Variants in ZP3 observed in about 807,000 individuals in gnomAD.
The protein encoded by ZP3 is zona pellucida sperm-binding protein 3.
A neutral mutation model predicts 35.6 loss-of-function variants in ZP3; 21 were observed. The ratio of observed to expected loss-of-function variants is 0.59; its 90% CI spans 0.42 to 0.85. ZP3 has a LOEUF of 0.85. Ranked by LOEUF, ZP3 falls within the 40% of genes least tolerant of loss-of-function variation. The pLI, the probability that ZP3 is intolerant of heterozygous loss-of-function variation, is 0.00. For synonymous variants in ZP3, 207 were observed against 214.5 expected (o/e 0.96, Z 0.31); for missense variants, 437 against 536.5 (o/e 0.81, Z 1.83).
chr7:76,430,468 G>A (rs188435164), intron 2 of ZP3, among the ~76,000 whole-genome samples: 1 of 152,244 alleles, frequency 6.6e-6, no homozygotes, highest in East Asian at 1.9e-4. Context: ...AGGTATGGTG[G>A]CTCACGCCTG....
chr7:76,426,924 G>A lies in ZP3; in HGVS notation c.312+1648G>A, dbSNP rs1327021060. ...CACACACACAATAGGGTGTGGTGGC[G>A]CCTGCCTTTAGTCTCAGCTACTTGG... On this transcript the variant is annotated intron_variant, in intron 1 of 7. Transcript: ENST00000394857. 2.2e-4 allele frequency among the ~76,000 whole-genome samples: 19 copies of A among 84,714 alleles called. 1 individual carries two copies. The highest frequency in any genetic ancestry group is 7.4e-4 in the African/African-American group (14 of 18,868). 55.6% of individuals were successfully genotyped at this position (84,714 alleles called of 152,430 possible). A position where few individuals can be genotyped will look rare whatever the true frequency, so the allele number is the denominator to read the frequency against.
upstream of ZP3, among the ~76,000 whole-genome samples, chr7:76,422,171 A>C (rs1805518113): frequency 6.6e-6 from 1 of 151,888 alleles, no homozygotes; most frequent in Non-Finnish European, 1.5e-5. Context: ...TGCTGGGATT[A>C]CAGACATGAG....
intron 1 of ZP3, among the ~76,000 whole-genome samples, chr7:76,426,704 TTTG>T (rs1386306485): frequency 5.9e-5 from 9 of 152,188 alleles, no homozygotes; most frequent in East Asian, 3.9e-4. Flanking sequence ...GTGGTATTTT[TTTG>T]TTGTTGTTTT....
intron 5 of ZP3, among the ~76,000 whole-genome samples, chr7:76,436,492 C>T (rs1395406095): frequency 6.6e-6 from 1 of 152,260 alleles, no homozygotes; most frequent in Non-Finnish European, 1.5e-5. Flanking sequence ...GTCAGGGTGG[C>T]ATTAAGGGAC....
At chr7:76,409,749 A>T (rs976100479) in intron 1 of ZP3, 1 of 153,056 alleles carries the variant, frequency 6.5e-6, no homozygotes, top group African/African-American at 2.4e-5. Flanking sequence ...TGGACTCTCA[A>T]GGCCAGGCAG....
rs1172358344 is a variant in ZP3 at position 76,429,235 on chromosome 7, G to A, written c.313-280G>A. 7.2e-6 allele frequency: 3 copies of A among 416,388 alleles called. No individual in the cohort carries two copies. The East Asian group carries it at 1.4e-4, about 20-fold the overall frequency. 25.8% of individuals were successfully genotyped at this position (416,388 alleles called of 1,614,324 possible). On this transcript the variant is annotated intron_variant, in intron 1 of 7. Coordinates refer to ENST00000394857, the MANE Select transcript of ZP3 (RefSeq NM_001110354.2). ...GTAAAGATTCCGAGGTACAAAGACAGTACCTGTCCTGCCTCTTTCCTGACC... is the reference window on the plus strand; with the variant it reads ...GTAAAGATTCCGAGGTACAAAGACAATACCTGTCCTGCCTCTTTCCTGACC...
At chr7:76,427,669 CTG>C (rs1805707960) in intron 1 of ZP3, among the ~76,000 whole-genome samples, 2 of 152,178 alleles carry the variant, frequency 1.3e-5, no homozygotes, top group African/African-American at 4.8e-5. Flanking sequence ...CTGGTTCTGT[CTG>C]TGCTGGGGCA....
intron 1 of ZP3, chr7:76,429,178 C>G (rs919457928): frequency 3.3e-6 from 1 of 299,768 alleles, no homozygotes; most frequent in Admixed American, 4.2e-5. Flanking sequence ...TTGATCCAGT[C>G]TGCCTGTGGT....
Position 76,429,564 on chromosome 7 carries a change from G to T in ZP3, c.362G>T (p.Arg121Leu). The change falls in exon 2 of 8, where the codon CGC becomes CTC. Residue 121 changes from arginine to leucine, a missense_variant. By Grantham distance (102) the Arg-to-Leu change is moderately radical. Transcript: ENST00000394857. ...AGCACCTTCCTGCTCCATGACCCCC[G>T]CCCCGTGGGAAACCTGTCCATCGTG... ...VYSTFLLHDP[R>L]PVGNLSIVRT... 2 of 1,613,960 alleles carry T rather than the reference G, an allele frequency of 1.2e-6. No individual in the cohort carries two copies. The highest frequency in any genetic ancestry group is 3.3e-4 in the Middle Eastern group (2 of 6,062).
At chr7:76,424,163 T>C (rs373329077), upstream of ZP3, among the ~76,000 whole-genome samples, 75 of 152,294 alleles carry the variant, frequency 4.9e-4, 1 homozygote, top group South Asian at 0.016. Flanking sequence ...GGCTTTCTCC[T>C]GTGTCCCCCA....
chr7:76,402,538 C>T (rs1026341940), intron 1 of ZP3, among the ~76,000 whole-genome samples: 13 of 151,780 alleles, frequency 8.6e-5, no homozygotes, highest in Admixed American at 7.9e-4. Flanking sequence ...AGGCTGGTCT[C>T]GAACTCTTGG....
intron 1 of ZP3, among the ~76,000 whole-genome samples, chr7:76,416,915 C>T (rs1233712719): frequency 0.025 from 3,327 of 132,956 alleles, 118 homozygotes; most frequent in African/African-American, 0.091. Flanking sequence ...TGTATACATA[C>T]ATATATATAC....
rs758126619 is a variant in ZP3, at chr7:76,433,823, C to A, written c.713+176C>A. 731 of 1,034,854 alleles carry A rather than the reference C, an allele frequency of 7.1e-4. 7 individuals are homozygous for A. In the Middle Eastern group the frequency reaches 0.025, roughly 36 times the overall value. The allele number at this position is 1,034,854 out of a possible 1,614,324, so 64.1% of individuals were successfully genotyped here. ...AAGTGATTCTCCTGCCTCAGCCCCC[C>A]AAGTAGCTGAGATTACAGGTGCCCA... On this transcript the variant is annotated intron_variant, in intron 4 of 7. Transcript: ENST00000394857.
intron 1 of ZP3, among the ~76,000 whole-genome samples, chr7:76,418,033 G>T (rs867081724): frequency 6.6e-6 from 1 of 150,534 alleles, no homozygotes; most frequent in African/African-American, 2.5e-5. Flanking sequence ...CGCCTCCCGG[G>T]TTCAAGCGGG....
At chr7:76,408,630 G>A (rs891542077) in intron 1 of ZP3, among the ~76,000 whole-genome samples, 3 of 151,984 alleles carry the variant, frequency 2.0e-5, no homozygotes, top group Admixed American at 1.3e-4. Flanking sequence ...AAGGACCCCC[G>A]ATCCTGATCC....
chr7:76,399,534 G>A (rs530512357), intron 1 of ZP3, among the ~76,000 whole-genome samples: 8 of 151,500 alleles, frequency 5.3e-5, no homozygotes, highest in South Asian at 4.2e-4. Flanking sequence ...CCCAATAGTC[G>A]TTTTTTTCTT....
chr7:76,436,061 T>C (rs1272169870), intron 5 of ZP3, among the ~76,000 whole-genome samples: 8 of 83,534 alleles, frequency 9.6e-5, no homozygotes, highest in African/African-American at 4.6e-4. Context: ...TTTTTTTTTT[T>C]TTTTTTTTTT....
intron 1 of ZP3, chr7:76,400,369 T>C (rs758428000): frequency 1.9e-6 from 3 of 1,586,862 alleles, no homozygotes; most frequent in Non-Finnish European, 2.6e-6. Flanking sequence ...CAGCGCAGCT[T>C]CCTGCCCGCG....
chr7:76,433,617 C>T lies in ZP3; in HGVS notation c.683C>T (p.Ser228Phe), dbSNP rs761136725. The T allele has an allele frequency of 5.6e-6, 9 of 1,612,046 alleles. No homozygotes were observed. Among genetic ancestry groups the T allele is most frequent in the Admixed American group, 1.7e-5 (1 of 59,772 alleles). Reference sequence around the variant, plus strand: ...ACACCGACACCAGACCAGAATGCCTCCCCTTATCACACCATCGTGGACTTC... The same window carrying T: ...ACACCGACACCAGACCAGAATGCCTTCCCTTATCACACCATCGTGGACTTC... The part of the protein sequence containing the change: ...VATPTPDQNA[S>F]PYHTIVDFHG... The change falls in exon 4 of 8, where the codon TCC (serine) becomes TTC (phenylalanine). Residue 228 changes from serine to phenylalanine, a missense_variant. Transcript: ENST00000394857.
Sources: gnomAD v4.1 joint callset for allele counts (sites outside exome capture counted in the v4.1 genomes callset) on GRCh38, gnomAD v4.1.1 for gene constraint, MANE v1.5 for transcripts, NCBI Gene and HGNC (gene_info 2026-07-23, HGNC 2026-07-21) for gene names.